Variants in SHB observed in about 807,000 individuals in gnomAD.
SHB encodes the protein SH2 domain-containing adapter protein B.
In SHB, 20 loss-of-function variants were observed where a neutral mutation model predicts 52.3. That is an observed-to-expected ratio of 0.38 (90% CI 0.27 to 0.56). The LOEUF (loss-of-function observed/expected upper bound fraction) is 0.56. Ranked by LOEUF, SHB falls within the 20% of genes least tolerant of loss-of-function variation. The pLI, the probability that SHB is intolerant of heterozygous loss-of-function variation, is 0.71. For synonymous variants in SHB, 397 were observed against 316.5 expected, an observed-to-expected ratio of 1.25 and a Z score of -2.70; for missense variants, 825 against 723.3, an observed-to-expected ratio of 1.14 and a Z score of -1.61.
chr9:38,055,376 G>A (rs1246323656), intron 1 of SHB, among the ~76,000 whole-genome samples: 1 of 152,100 alleles, frequency 6.6e-6, no homozygotes, highest in African/African-American at 2.4e-5. Flanking sequence ...GGCTATAGTG[G>A]TCTGGAAAAA....
rs528450361 is a variant in SHB at position 37,941,504 on chromosome 9, T to A, written c.1346+7131A>T. ...GTCTTCACCGCTGTGCAGAGCTCCC[T>A]CTGTTGGGGGAGTCATGGGGCACAT... On this transcript the variant is annotated intron_variant, in intron 5 of 5. Transcript: ENST00000377707. Among the ~76,000 whole-genome samples, 30 of 152,278 alleles carry A rather than the reference T, an allele frequency of 2.0e-4. 1 individual carries two copies. The highest frequency in any genetic ancestry group is 1.8e-3 in the Admixed American group (28 of 15,302).
At chr9:37,932,468 G>A (rs1832323817) in intron 5 of SHB, among the ~76,000 whole-genome samples, 1 of 149,258 alleles carries the variant, frequency 6.7e-6, no homozygotes, top group South Asian at 2.1e-4. Flanking sequence ...CAAGTCTAGA[G>A]AGCTGATGCA....
intron 2 of SHB, among the ~76,000 whole-genome samples, chr9:37,998,016 A>G (rs139194271): frequency 8.5e-5 from 13 of 152,366 alleles, no homozygotes; most frequent in African/African-American, 2.6e-4. Flanking sequence ...AAGCAGAGGC[A>G]GTGGCAGGAC....
At chr9:37,928,557 C>T (rs1195813670) in intron 5 of SHB, among the ~76,000 whole-genome samples, 1 of 152,224 alleles carries the variant, frequency 6.6e-6, no homozygotes, top group Admixed American at 6.5e-5. Flanking sequence ...ACGCACAGCA[C>T]AGCCCCCACA....
At chr9:37,955,275 T>C (rs1832615540) in intron 4 of SHB, among the ~76,000 whole-genome samples, 2 of 152,154 alleles carry the variant, frequency 1.3e-5, no homozygotes, top group Non-Finnish European at 2.9e-5. Flanking sequence ...CCTCCTGCCA[T>C]TGAAGGTAAG....
chr9:37,984,891 T>C (rs1024496283), intron 2 of SHB, among the ~76,000 whole-genome samples: 1 of 151,934 alleles, frequency 6.6e-6, no homozygotes, highest in Non-Finnish European at 1.5e-5. Flanking sequence ...GTGAGTGGCA[T>C]GGAAGAGCAG....
intron 2 of SHB, among the ~76,000 whole-genome samples, chr9:37,988,680 G>C (rs1212806566): frequency 6.6e-6 from 1 of 152,152 alleles, no homozygotes. Context: ...GGGGTGCCCA[G>C]ATAGTTCGTC....
chr9:37,938,392 A>G (rs1451810448), intron 5 of SHB, among the ~76,000 whole-genome samples: 1 of 152,214 alleles, frequency 6.6e-6, no homozygotes, highest in Admixed American at 6.5e-5. Context: ...AGCACCCTCT[A>G]TGCCTTCTCC....
rs778310530 is a variant in SHB at position 38,068,553 on chromosome 9, C to T, written c.93G>A (p.Arg31=). 2.7e-6 allele frequency: 4 copies of T among 1,462,862 alleles called. No individual in the cohort carries two copies. Among genetic ancestry groups the T allele is most frequent in the Non-Finnish European group, 3.6e-6 (4 of 1,119,658 alleles). The allele number at this position is 1,462,862 out of a possible 1,614,324, so 90.6% of individuals were successfully genotyped here. A position where few individuals can be genotyped will look rare whatever the true frequency, so the allele number is the denominator to read the frequency against. The change falls in exon 1 of 6, where the codon CGG becomes CGA. Residue 31 remains arginine (R), a synonymous_variant. Transcript: ENST00000377707. ...QPPRPDYREQ[R]RRGERPSQPP... The stretch of plus-strand genomic sequence containing the variant: ...GCTGCGAAGGCCGCTCGCCTCGGCG[C>T]CGCTGCTCGCGGTAGTCTGGCCGCG...
chr9:38,062,251 G>A (rs1478557227), intron 1 of SHB, among the ~76,000 whole-genome samples: 1 of 152,166 alleles, frequency 6.6e-6, no homozygotes, highest in East Asian at 1.9e-4. Flanking sequence ...CTATCACTTT[G>A]CAGCTGTGTG....
At chr9:38,044,639 A>G (rs1821626066) in intron 1 of SHB, among the ~76,000 whole-genome samples, 1 of 152,256 alleles carries the variant, frequency 6.6e-6, no homozygotes, top group Admixed American at 6.5e-5. Flanking sequence ...ACAGGCCTGC[A>G]TGAGGCCACT....
intron 3 of SHB, 83 bp downstream of exon 3, chr9:37,974,539 T>A (rs1050845259): frequency 1.7e-6 from 2 of 1,178,538 alleles, no homozygotes; most frequent in Non-Finnish European, 2.5e-6. Flanking sequence ...ACCCTGGAGT[T>A]TGTCCTGAGC....
chr9:37,997,269 G>T (rs2118030199), intron 2 of SHB, among the ~76,000 whole-genome samples: 1 of 152,284 alleles, frequency 6.6e-6, no homozygotes. Context: ...CCACCTCTGA[G>T]TTAACTTCAG....
intron 2 of SHB, among the ~76,000 whole-genome samples, chr9:37,989,993 G>T (rs1820862788): frequency 1.3e-5 from 2 of 152,184 alleles, no homozygotes; most frequent in South Asian, 4.1e-4. Flanking sequence ...ACATTTTTGT[G>T]CTGGAAGAAA....
intron 5 of SHB, among the ~76,000 whole-genome samples, chr9:37,939,256 G>C (rs953790019): frequency 2.0e-5 from 3 of 152,244 alleles, no homozygotes; most frequent in Admixed American, 1.3e-4. Flanking sequence ...TGCAAATGGA[G>C]AACTTCTAAG....
At chr9:38,038,873 C>G (rs759905800) in intron 1 of SHB, among the ~76,000 whole-genome samples, 2 of 152,046 alleles carry the variant, frequency 1.3e-5, no homozygotes, top group Non-Finnish European at 2.9e-5. Flanking sequence ...TAGGGAAAGG[C>G]AGATGGAACC....
intron 2 of SHB, among the ~76,000 whole-genome samples, chr9:37,981,444 C>T (rs996374251): frequency 5.9e-5 from 9 of 152,170 alleles, no homozygotes; most frequent in Admixed American, 5.9e-4. Context: ...CCAGATTAGG[C>T]TTTGATTTAA....
intron 1 of SHB, among the ~76,000 whole-genome samples, chr9:38,023,375 T>C (rs140819994): frequency 4.6e-5 from 7 of 152,192 alleles, no homozygotes; most frequent in Non-Finnish European, 8.8e-5. Flanking sequence ...AATAATCAGA[T>C]GATCCAAGGA....
rs1267500374 is a variant in SHB, at chr9:37,917,506, A to G, written c.*2315T>C. ...GCGGCCCCACCCAGCAGCCTCAGGA[A>G]GTGGCTGGACCTGAACTTGCCAGTG... On this transcript the variant is annotated 3_prime_UTR_variant, in exon 6 of 6. Coordinates refer to ENST00000377707, the MANE Select transcript of SHB (RefSeq NM_003028.3). Among the ~76,000 whole-genome samples the G allele has an allele frequency of 6.6e-6, 1 of 152,178 alleles. No individual in the cohort carries two copies. The highest frequency in any genetic ancestry group is 2.4e-5 in the African/African-American group (1 of 41,442).
Sources: allele counts gnomAD v4.1 joint callset (sites outside exome capture counted in the v4.1 genomes callset), GRCh38; gene constraint gnomAD v4.1.1; transcripts MANE v1.5; gene names NCBI Gene and HGNC (gene_info 2026-07-23, HGNC 2026-07-21).